Variants in TNKS observed in about 807,000 individuals in gnomAD.
TNKS encodes poly [ADP-ribose] polymerase tankyrase-1.
A neutral mutation model predicts 135.8 loss-of-function variants in TNKS; 72 were observed. The observed-to-expected ratio is 0.53, with a 90% CI of 0.44 to 0.64. The LOEUF (loss-of-function observed/expected upper bound fraction) is 0.64. TNKS is among the 30% of genes least tolerant of loss of function. TNKS has a pLI of 0.00. For synonymous variants in TNKS, 849 were observed against 649.3 expected (o/e 1.31, Z -4.68); for missense variants, 1,769 against 1,674.0 (o/e 1.06, Z -0.99).
At chr8:9,701,156 C>G (rs1170699977) in intron 5 of TNKS, among the ~76,000 whole-genome samples, 1 of 152,098 alleles carries the variant, frequency 6.6e-6, no homozygotes, top group Non-Finnish European at 1.5e-5. Context: ...CCAGGATGGT[C>G]TCGATCTCCT....
At chr8:9,685,415 C>A (rs543661013) in intron 5 of TNKS, among the ~76,000 whole-genome samples, 1 of 152,104 alleles carries the variant, frequency 6.6e-6, no homozygotes, top group Non-Finnish European at 1.5e-5. Flanking sequence ...GGTCAGTATA[C>A]CTAGTACAGT....
intron 14 of TNKS, among the ~76,000 whole-genome samples, chr8:9,732,249 T>C (rs1805482397): frequency 6.6e-6 from 1 of 152,262 alleles, no homozygotes; most frequent in Admixed American, 6.5e-5. Flanking sequence ...GTATGTTTTA[T>C]ATTAGTTTGC....
At chr8:9,677,997 C>T (rs1405331322) in intron 3 of TNKS, among the ~76,000 whole-genome samples, 1 of 152,172 alleles carries the variant, frequency 6.6e-6, no homozygotes, top group Non-Finnish European at 1.5e-5. Context: ...AACTACCCTT[C>T]CAATCATTAA....
intron 4 of TNKS, 116 bp from the exon 5 acceptor site, chr8:9,680,609 C>G (rs1802742432): frequency 1.5e-6 from 1 of 657,446 alleles, no homozygotes; most frequent in Non-Finnish European, 2.7e-6. Context: ...TTATTGTGAT[C>G]CATGTAAAAG....
At chr8:9,724,594 C>T (rs1805069976) in intron 12 of TNKS, among the ~76,000 whole-genome samples, 1 of 152,052 alleles carries the variant, frequency 6.6e-6, no homozygotes, top group Non-Finnish European at 1.5e-5. Flanking sequence ...ATACAAAGTT[C>T]CTGGGCTGTA....
At chr8:9,638,898 G>T (rs946583212) in intron 3 of TNKS, among the ~76,000 whole-genome samples, 1 of 152,002 alleles carries the variant, frequency 6.6e-6, no homozygotes, top group African/African-American at 2.4e-5. Flanking sequence ...CAAATGACAG[G>T]GCAAAAGAAC....
At chr8:9,610,004 C>T (rs1799389183) in intron 2 of TNKS, among the ~76,000 whole-genome samples, 1 of 152,038 alleles carries the variant, frequency 6.6e-6, no homozygotes, top group African/African-American at 2.4e-5. Flanking sequence ...ACTACAGGCG[C>T]CCGCCACCAC....
intron 1 of TNKS, among the ~76,000 whole-genome samples, chr8:9,571,130 A>T (rs1797741383): frequency 6.6e-6 from 1 of 152,202 alleles, no homozygotes; most frequent in Admixed American, 6.5e-5. Context: ...CTGTGGCCTT[A>T]AGAGTAATTT....
rs376757023 is a variant in TNKS at position 9,778,842 on chromosome 8, T to A, written c.*2106T>A. The A allele has an allele frequency of 2.0e-5, 3 of 152,198 alleles. No individual in the cohort carries two copies. The East Asian group carries it at 5.8e-4, about 29-fold the overall frequency. The allele number at this position is 152,198 out of a possible 1,614,324, so 9.4% of individuals were successfully genotyped here. On this transcript the variant is annotated 3_prime_UTR_variant, in exon 27 of 27. Transcript: ENST00000310430. ...TTTTAGTTAAGTAAAAGAGTTAATATGATATAGATATGGAAAGCTTTATGG... is the reference window on the plus strand; with the variant it reads ...TTTTAGTTAAGTAAAAGAGTTAATAAGATATAGATATGGAAAGCTTTATGG...
intron 17 of TNKS, among the ~76,000 whole-genome samples, chr8:9,747,675 A>G (rs1177141595): frequency 1.3e-5 from 2 of 152,380 alleles, no homozygotes; most frequent in African/African-American, 4.8e-5. Context: ...TTAACAGAAG[A>G]TTTGAATTAG....
chr8:9,639,855 C>A (rs1800656756), intron 3 of TNKS, among the ~76,000 whole-genome samples: 1 of 152,146 alleles, frequency 6.6e-6, no homozygotes, highest in Non-Finnish European at 1.5e-5. Context: ...TCCTTTAAAA[C>A]ACATATATTT....
chr8:9,621,048 A>G (rs1190928948), intron 3 of TNKS, among the ~76,000 whole-genome samples: 1 of 152,208 alleles, frequency 6.6e-6, no homozygotes, highest in Non-Finnish European at 1.5e-5. Context: ...TAATTATTTG[A>G]CATTTTATGC....
Position 9,693,255 on chromosome 8 carries a change from C to T in TNKS, c.1108-11408C>T, listed in dbSNP as rs569806299. On this transcript the variant is annotated intron_variant, in intron 5 of 26. Coordinates refer to ENST00000310430, the MANE Select transcript of TNKS (RefSeq NM_003747.3). ...TGTACAGCTCTTACAAAGAATAAGA[C>T]AGACAGATATGTACTAATATTAAGA... Among the ~76,000 whole-genome samples the T allele has an allele frequency of 1.9e-3, 286 of 152,162 alleles. 5 individuals are homozygous for T. The South Asian group carries it at 0.048, about 25-fold the overall frequency.
At chr8:9,673,226 C>T (rs888376918) in intron 3 of TNKS, among the ~76,000 whole-genome samples, 2 of 152,044 alleles carry the variant, frequency 1.3e-5, no homozygotes, top group Non-Finnish European at 2.9e-5. Flanking sequence ...ATATTACTGC[C>T]TCCTGCATAA....
chr8:9,620,924 C>T (rs1349047824), intron 3 of TNKS, among the ~76,000 whole-genome samples: 1 of 152,054 alleles, frequency 6.6e-6, no homozygotes, highest in Non-Finnish European at 1.5e-5. Flanking sequence ...CTTCTTTATC[C>T]CCAGGACTCA....
At chr8:9,566,088 A>G (rs1797526690) in intron 1 of TNKS, among the ~76,000 whole-genome samples, 1 of 152,136 alleles carries the variant, frequency 6.6e-6, no homozygotes, top group East Asian at 1.9e-4. Flanking sequence ...CTCATCAGTC[A>G]TGTTAATAAG....
At chr8:9,621,730 C>A (rs1165980851) in intron 3 of TNKS, among the ~76,000 whole-genome samples, 3 of 151,998 alleles carry the variant, frequency 2.0e-5, no homozygotes, top group Non-Finnish European at 4.4e-5. Flanking sequence ...TGCTGTTAAT[C>A]TGAACTTAAA....
intron 3 of TNKS, among the ~76,000 whole-genome samples, chr8:9,657,641 G>A (rs1425175825): frequency 0.013 from 1,129 of 86,104 alleles, 28 homozygotes; most frequent in African/African-American, 0.039. Context: ...GCGGCTGGCC[G>A]GGTGGGGGGG....
intron 2 of TNKS, among the ~76,000 whole-genome samples, chr8:9,603,770 C>T (rs1164866813): frequency 6.6e-6 from 1 of 152,134 alleles, no homozygotes; most frequent in African/African-American, 2.4e-5. Flanking sequence ...CATTGTGCAT[C>T]AAAGAAATGT....
Sources: allele counts gnomAD v4.1 joint callset (sites outside exome capture counted in the v4.1 genomes callset), GRCh38; gene constraint gnomAD v4.1.1; transcripts MANE v1.5; gene names NCBI Gene and HGNC (gene_info 2026-07-23, HGNC 2026-07-21).